WWOX: variants seen among roughly 807,000 people sequenced by gnomAD.
The protein encoded by WWOX is WW domain containing oxidoreductase, also known as WW domain-containing oxidoreductase.
In WWOX, 69 loss-of-function variants were observed where a neutral mutation model predicts 46.2. The ratio of observed to expected loss-of-function variants is 1.49; its 90% CI spans 1.23 to 1.82. WWOX has a LOEUF of 1.82. WWOX is among the 40% of genes most tolerant of loss of function. The probability of loss-of-function intolerance (pLI) is 0.00; values close to 1 mark genes in which losing one functional copy is unlikely to be tolerated. For synonymous variants in WWOX, 359 were observed against 202.6 expected, an observed-to-expected ratio of 1.77 and a Z score of -6.56; for missense variants, 919 against 542.6, an observed-to-expected ratio of 1.69 and a Z score of -6.89.
At chr16:78,576,649 A>G (rs767909055) in intron 8 of WWOX, among the ~76,000 whole-genome samples, 3 of 152,194 alleles carry the variant, frequency 2.0e-5, no homozygotes, top group African/African-American at 7.2e-5. Flanking sequence ...CCTGGGCACT[A>G]TAGTGAGACC....
chr16:78,723,186 G>T (rs2048734858), intron 8 of WWOX, among the ~76,000 whole-genome samples: 1 of 152,160 alleles, frequency 6.6e-6, no homozygotes, highest in Non-Finnish European at 1.5e-5. Flanking sequence ...CCCTCTGATT[G>T]TCAGGCTTTC....
chr16:78,519,681 C>T (rs1200007491), intron 8 of WWOX, among the ~76,000 whole-genome samples: 1 of 151,992 alleles, frequency 6.6e-6, no homozygotes, highest in African/African-American at 2.4e-5. Flanking sequence ...TACTAATCCC[C>T]ATGAATGGGT....
At chr16:78,931,505 A>C (rs574398826) in intron 8 of WWOX, among the ~76,000 whole-genome samples, 1 of 152,366 alleles carries the variant, frequency 6.6e-6, no homozygotes, top group Admixed American at 6.5e-5. Flanking sequence ...TCAGCTCAGC[A>C]AGGATTGCTG....
At chr16:78,324,955 C>T (rs1177915489) in intron 5 of WWOX, among the ~76,000 whole-genome samples, 1 of 152,098 alleles carries the variant, frequency 6.6e-6, no homozygotes, top group African/African-American at 2.4e-5. Flanking sequence ...GTTAAAAAAT[C>T]TGAAAGTGTC....
chr16:78,908,622 C>G (rs1597136182), intron 8 of WWOX, among the ~76,000 whole-genome samples: 1 of 151,920 alleles, frequency 6.6e-6, no homozygotes, highest in East Asian at 1.9e-4. Context: ...TAAGTCTCCC[C>G]CAAAACTCAG....
chr16:78,124,825 C>G (rs551438429), intron 4 of WWOX, among the ~76,000 whole-genome samples: 1 of 152,286 alleles, frequency 6.6e-6, no homozygotes, highest in East Asian at 1.9e-4. Context: ...TCATATGGTG[C>G]TCTCTGAAAG....
rs1227489730 is a variant in WWOX, at chr16:78,578,282, A to AT, written c.1056+145531dup. ...TATATATATATATATATATATATAT[A>AT]TATTTTTTTTTTTTTTTTTTTTTTT... On this transcript the variant is annotated intron_variant, in intron 8 of 8. Coordinates refer to ENST00000566780, the MANE Select transcript of WWOX (RefSeq NM_016373.4). Among the ~76,000 whole-genome samples the AT allele has an allele frequency of 2.5e-3, 85 of 34,200 alleles. 2 individuals are homozygous for AT. The highest frequency in any genetic ancestry group is 5.8e-3 in the African/African-American group (41 of 7,116). The allele number at this position is 34,200 out of a possible 152,430, so 22.4% of individuals were successfully genotyped here. A position where few individuals can be genotyped will look rare whatever the true frequency, so the allele number is the denominator to read the frequency against.
At chr16:79,091,206 A>G (rs2048953171) in intron 8 of WWOX, among the ~76,000 whole-genome samples, 1 of 152,226 alleles carries the variant, frequency 6.6e-6, no homozygotes, top group Admixed American at 6.5e-5. Flanking sequence ...CTCTTCCTAT[A>G]AAACAAAACA....
chr16:78,937,236 T>A (rs1021056175), intron 8 of WWOX, among the ~76,000 whole-genome samples: 3 of 152,144 alleles, frequency 2.0e-5, no homozygotes, highest in Non-Finnish European at 4.4e-5. Flanking sequence ...TTTAATAGTA[T>A]TTCAAATTTA....
intron 5 of WWOX, among the ~76,000 whole-genome samples, chr16:78,336,034 G>C (rs1193892455): frequency 1.3e-5 from 2 of 152,058 alleles, no homozygotes; most frequent in East Asian, 3.9e-4. Context: ...AGATGTTGCA[G>C]TGAGCCGAGA....
In WWOX at chr16:78,694,032, G is replaced by A. The variant is rs1045860448; in HGVS notation, c.1056+261280G>A. Among the ~76,000 whole-genome samples the A allele has an allele frequency of 9.2e-5, 14 of 152,180 alleles. No individual in the cohort carries two copies. In the East Asian group the frequency reaches 2.7e-3, roughly 30 times the overall value. Reference sequence around the variant, plus strand: ...TGGATCGGTTGAGGTCAGAGTTCAAGACCAGCCTGGCCAACATGGTGAAAC... The same window carrying A: ...TGGATCGGTTGAGGTCAGAGTTCAAAACCAGCCTGGCCAACATGGTGAAAC... On this transcript the variant is annotated intron_variant, in intron 8 of 8. Coordinates refer to ENST00000566780, the MANE Select transcript of WWOX (RefSeq NM_016373.4).
intron 8 of WWOX, among the ~76,000 whole-genome samples, chr16:78,641,432 C>T (rs150816363): frequency 2.2e-3 from 342 of 152,148 alleles, no homozygotes; most frequent in South Asian, 7.9e-3. Context: ...AATAAACTGG[C>T]GAGTCAGAAA....
At chr16:79,174,238 G>T (rs762766543) in intron 8 of WWOX, among the ~76,000 whole-genome samples, 8 of 152,216 alleles carry the variant, frequency 5.3e-5, no homozygotes, top group Non-Finnish European at 1.0e-4. Context: ...GGCCACCAAT[G>T]CTGTACACTT....
chr16:78,767,100 CCCTTCCTTCCTTCCTTCTTTCCTT>C (rs1376129485), intron 8 of WWOX, among the ~76,000 whole-genome samples: 16 of 129,866 alleles, frequency 1.2e-4, no homozygotes, highest in African/African-American at 4.0e-4. Context: ...CTCCTTTCCT[CCCTTCCTTCCTTCCTTCTTTCCTT>C]CCTTCCTTCC....
intron 8 of WWOX, among the ~76,000 whole-genome samples, chr16:79,171,672 T>C (rs963746278): frequency 1.3e-5 from 2 of 152,228 alleles, no homozygotes; most frequent in Non-Finnish European, 2.9e-5. Context: ...TCATGGCCTT[T>C]TAATGCCATT....
intron 8 of WWOX, among the ~76,000 whole-genome samples, chr16:78,744,215 T>A (rs1157148975): frequency 2.6e-5 from 4 of 152,064 alleles, no homozygotes; most frequent in Non-Finnish European, 5.9e-5. Context: ...GGTAAGAGTT[T>A]GTGAAAAGAC....
chr16:78,576,012 CATTT>C (rs1276865459), intron 8 of WWOX, among the ~76,000 whole-genome samples: 1 of 151,956 alleles, frequency 6.6e-6, no homozygotes, highest in Non-Finnish European at 1.5e-5. Flanking sequence ...ACTGGATTAT[CATTT>C]ATTTATGAGG....
At chr16:79,127,101 A>G (rs1389058090) in intron 8 of WWOX, among the ~76,000 whole-genome samples, 3 of 152,112 alleles carry the variant, frequency 2.0e-5, no homozygotes, top group Non-Finnish European at 4.4e-5. Flanking sequence ...ATACTTTTAT[A>G]TGGTTCAAAA....
At chr16:78,240,169 C>T (rs376159594) in intron 5 of WWOX, among the ~76,000 whole-genome samples, 50 of 152,172 alleles carry the variant, frequency 3.3e-4, no homozygotes, top group Admixed American at 5.9e-4. Context: ...AATCCAATGA[C>T]GGTTATCCTC....
Sources: gnomAD v4.1 joint callset for allele counts (sites outside exome capture counted in the v4.1 genomes callset) on GRCh38, gnomAD v4.1.1 for gene constraint, MANE v1.5 for transcripts, NCBI Gene and HGNC (gene_info 2026-07-23, HGNC 2026-07-21) for gene names.